C18orf54: variants seen among roughly 807,000 people sequenced by gnomAD.
C18orf54 encodes chromosome 18 open reading frame 54, also known as lung adenoma susceptibility protein 2.
In C18orf54, 49 loss-of-function variants were observed where a neutral mutation model predicts 49.3. That is an observed-to-expected ratio of 0.99 (90% CI 0.79 to 1.26). The LOEUF is 1.26. Ranked by LOEUF, C18orf54 falls within the 50% of genes most tolerant of loss-of-function variation. The pLI, the probability that C18orf54 is intolerant of heterozygous loss-of-function variation, is 0.00. For missense variants in C18orf54, 687 were observed against 620.6 expected (o/e 1.11, Z -1.14); for synonymous variants, 211 against 216.6 (o/e 0.97, Z 0.23).
Position 54,381,025 on chromosome 18 carries a change from C to T in C18orf54, c.*2779C>T, listed in dbSNP as rs2089661167. 1 of 152,106 alleles carries T rather than the reference C, an allele frequency of 6.6e-6. No homozygotes were observed. Among genetic ancestry groups the T allele is most frequent in the South Asian group, 2.1e-4 (1 of 4,830 alleles). The allele number at this position is 152,106 out of a possible 1,614,324, so 9.4% of individuals were successfully genotyped here. Reference sequence around the variant, plus strand: ...TCTTCAAATGTGCAAGACTGTGTGTCTTCCTATTAGATGTATAAATTGGAT... The same window carrying T: ...TCTTCAAATGTGCAAGACTGTGTGTTTTCCTATTAGATGTATAAATTGGAT... On this transcript the variant is annotated 3_prime_UTR_variant, in exon 9 of 9. Coordinates refer to ENST00000620105, the MANE Select transcript of C18orf54 (RefSeq NM_001288980.2).
chr18:54,362,973 A>C (rs770355436), intron 5 of C18orf54, 52 bp downstream of exon 5: 16 of 1,499,204 alleles, frequency 1.1e-5, no homozygotes, highest in Non-Finnish European at 1.5e-5. Flanking sequence ...GAAAAATGTC[A>C]TGCGAATATC....
rs940139177 is a variant in C18orf54, at chr18:54,379,800, G to A, written c.*1554G>A. The A allele has an allele frequency of 2.0e-5, 3 of 151,824 alleles. No homozygotes were observed. Among genetic ancestry groups the A allele is most frequent in the Admixed American group, 6.6e-5 (1 of 15,222 alleles). 9.4% of individuals were successfully genotyped at this position (151,824 alleles called of 1,614,324 possible). A position where few individuals can be genotyped will look rare whatever the true frequency, so the allele number is the denominator to read the frequency against. On this transcript the variant is annotated 3_prime_UTR_variant, in exon 9 of 9. Coordinates refer to ENST00000620105, the MANE Select transcript of C18orf54 (RefSeq NM_001288980.2). ...CACTATTAGACAAGTTCTAAAGAAG[G>A]CAAGGAGATAAAGGCATCAGGTGGT...
intron 3 of C18orf54, 85 bp from the exon 4 acceptor site, chr18:54,361,558 G>T (rs2089268893): frequency 1.6e-6 from 2 of 1,213,052 alleles, no homozygotes; most frequent in African/African-American, 3.1e-5. Context: ...GCAGCAAAAT[G>T]CCTCTTAAAT....
At chr18:54,358,476 A>T (rs2089193217) in intron 1 of C18orf54, 1 of 152,390 alleles carries the variant, frequency 6.6e-6, no homozygotes, top group East Asian at 1.9e-4. Context: ...ATCTCACTGA[A>T]GAACTTGTCT....
intron 5 of C18orf54, among the ~76,000 whole-genome samples, chr18:54,364,992 C>G (rs527951691): frequency 6.6e-6 from 1 of 151,910 alleles, no homozygotes; most frequent in Non-Finnish European, 1.5e-5. Flanking sequence ...ATTTGATTCT[C>G]GGAGCATTCT....
rs1309860494 is a variant in C18orf54, at chr18:54,379,390, T to C, written c.*1144T>C. ...TTTTCCTCAGTAGATTATTGTCAAA[T>C]AGGAATTTCTAAGCACATTGAGTCA... On this transcript the variant is annotated 3_prime_UTR_variant, in exon 9 of 9. Coordinates refer to ENST00000620105, the MANE Select transcript of C18orf54 (RefSeq NM_001288980.2). 1.3e-5 allele frequency: 2 copies of C among 152,034 alleles called. No homozygotes were observed. Among genetic ancestry groups the C allele is most frequent in the Admixed American group, 6.5e-5 (1 of 15,270 alleles). 9.4% of individuals were successfully genotyped at this position (152,034 alleles called of 1,614,324 possible). A position where few individuals can be genotyped will look rare whatever the true frequency, so the allele number is the denominator to read the frequency against.
At chr18:54,375,067 T>C (rs980768817) in intron 8 of C18orf54, among the ~76,000 whole-genome samples, 1 of 151,954 alleles carries the variant, frequency 6.6e-6, no homozygotes, top group Non-Finnish European at 1.5e-5. Context: ...ATTACTTTTT[T>C]CTCTCTACTT....
In C18orf54 at chr18:54,360,604, G is replaced by T. The variant is rs779705365; in HGVS notation, c.32G>T (p.Cys11Phe). 1.7e-5 allele frequency: 28 copies of T among 1,613,926 alleles called. No homozygotes were observed. The Admixed American group carries it at 4.7e-4, about 27-fold the overall frequency. ...AAATCAAAGACAAAACATAGACTTT[G>T]TTCTCAGGAATCTTCAGTATCTGCC... MAKSKTKHRL[C>F]SQESSVSALL... Residue 11 changes from cysteine to phenylalanine, a missense_variant, in exon 3 of 9, where the codon TGT becomes TTT. By Grantham distance (205) the Cys-to-Phe change is radical. Transcript: ENST00000620105.
In C18orf54 at chr18:54,361,633, C is replaced by T. The variant is rs780177946; in HGVS notation, c.284-10C>T. 1.2e-5 allele frequency: 19 copies of T among 1,569,034 alleles called. 1 individual carries two copies. Among genetic ancestry groups the T allele is most frequent in the Admixed American group, 1.2e-4 (6 of 50,186 alleles). ...GTATGTAATAAACAAAACTGTTCTT[C>T]GTTTTTCAGCTTTTGAAAACCTTGA... On this transcript the variant is annotated splice_polypyrimidine_tract_variant and intron_variant, in intron 3 of 8. Coordinates refer to ENST00000620105, the MANE Select transcript of C18orf54 (RefSeq NM_001288980.2).
intron 6 of C18orf54, among the ~76,000 whole-genome samples, chr18:54,366,830 A>G (rs1298574039): frequency 6.6e-6 from 1 of 151,792 alleles, no homozygotes; most frequent in Non-Finnish European, 1.5e-5. Flanking sequence ...AAAAAAGTCC[A>G]TAATTGATAA....
rs747390375 is a variant in C18orf54, at chr18:54,361,760, A to G, written c.401A>G (p.Asp134Gly). ...GATGATCTATTAAGACTCCCAGCAGATGGATCATTTTCTTATACTTATGTT... is the reference window on the plus strand; with the variant it reads ...GATGATCTATTAAGACTCCCAGCAGGTGGATCATTTTCTTATACTTATGTT... The part of the protein sequence containing the change: ...TTDDLLRLPA[D>G]GSFSYTYVGP... The change falls in exon 4 of 9, where the codon GAT becomes GGT. Residue 134 changes from aspartate to glycine, a missense_variant. By Grantham distance (94) the Asp-to-Gly change is moderately conservative. Coordinates refer to ENST00000620105, the MANE Select transcript of C18orf54 (RefSeq NM_001288980.2). 9.3e-6 allele frequency: 15 copies of G among 1,613,994 alleles called. No individual in the cohort carries two copies. Among genetic ancestry groups the G allele is most frequent in the African/African-American group, 4.0e-5 (3 of 74,928 alleles).
At chr18:54,365,609 A>G in intron 5 of C18orf54, 110 bp from the exon 6 acceptor site, 1 of 566,626 alleles carries the variant, frequency 1.8e-6, no homozygotes, top group South Asian at 3.3e-5. Context: ...CATGATGATT[A>G]TTTCTTGGTG....
In C18orf54 at chr18:54,362,278, G is replaced by T. The variant is rs1417598950; in HGVS notation, c.919G>T (p.Asp307Tyr). 1 of 1,536,254 alleles carries T rather than the reference G, an allele frequency of 6.5e-7. No homozygotes were observed. The highest frequency in any genetic ancestry group is 2.0e-5 in the Admixed American group (1 of 50,992). The change falls in exon 4 of 9, where the codon GAT becomes TAT. Residue 307 changes from aspartate to tyrosine, a missense_variant. Asp to Tyr is a radical substitution (Grantham distance 160, BLOSUM62 -3). Transcript: ENST00000620105. The part of the protein sequence containing the change: ...QGTSRLINKL[D>Y]CFEYAFEPSN... ...AACTTCTCGGCTTATCAATAAATTA[G>T]ATTGTTTTGAATATGCTTTTGAACC...
At chr18:54,375,144 A>G (rs1285233194) in intron 8 of C18orf54, among the ~76,000 whole-genome samples, 15 of 151,966 alleles carry the variant, frequency 9.9e-5, no homozygotes. Context: ...CTGGGGTATA[A>G]TGTTTCATAC....
chr18:54,378,119 G>T (rs1017917289), intron 8 of C18orf54, 55 bp from the exon 9 acceptor site: 3 of 1,344,678 alleles, frequency 2.2e-6, no homozygotes, highest in Non-Finnish European at 3.1e-6. Flanking sequence ...TGTCTGCATT[G>T]GCTATTCAGT....
At chr18:54,365,969 T>G in intron 6 of C18orf54, 148 bp downstream of exon 6, 2 of 295,700 alleles carry the variant, frequency 6.8e-6, no homozygotes, top group Non-Finnish European at 1.2e-5. Flanking sequence ...GAATTATTGA[T>G]TATATTATTT....
chr18:54,374,087 T>A, intron 7 of C18orf54, 127 bp from the exon 8 acceptor site: 1 of 884,900 alleles, frequency 1.1e-6, no homozygotes, highest in Non-Finnish European at 1.6e-6. Flanking sequence ...TTTAATACTC[T>A]TGAAAATTAG....
At chr18:54,376,321 T>G (rs1226123504) in intron 8 of C18orf54, among the ~76,000 whole-genome samples, 1 of 152,208 alleles carries the variant, frequency 6.6e-6, no homozygotes, top group Non-Finnish European at 1.5e-5. Flanking sequence ...CTAGGAAGAC[T>G]CATTGGAGCT....
At position 54,381,777 on chromosome 18, in the gene C18orf54, A is replaced by G. The variant is rs904476275; in HGVS notation, c.*3531A>G. 2.6e-5 allele frequency: 4 copies of G among 152,074 alleles called. No individual in the cohort carries two copies. The highest frequency in any genetic ancestry group is 9.7e-5 in the African/African-American group (4 of 41,412). The allele number at this position is 152,074 out of a possible 1,614,324, so 9.4% of individuals were successfully genotyped here. A position where few individuals can be genotyped will look rare whatever the true frequency, so the allele number is the denominator to read the frequency against. ...TCCCCCTGTCATTCATTTAGCTGTT[A>G]TATTTCATTTTAATGTTTTGGGTGG... On this transcript the variant is annotated 3_prime_UTR_variant, in exon 9 of 9. Coordinates refer to ENST00000620105, the MANE Select transcript of C18orf54 (RefSeq NM_001288980.2).
Sources: gnomAD v4.1 joint callset for allele counts (sites outside exome capture counted in the v4.1 genomes callset) on GRCh38, gnomAD v4.1.1 for gene constraint, MANE v1.5 for transcripts, NCBI Gene and HGNC (gene_info 2026-07-23, HGNC 2026-07-21) for gene names.